PUM1: variants seen among roughly 807,000 people sequenced by gnomAD.
PUM1 encodes pumilio RNA binding family member 1.
In PUM1, 13 loss-of-function variants were observed where a neutral mutation model predicts 131.8. The observed-to-expected ratio is 0.10, with a 90% CI of 0.06 to 0.16. PUM1 has a LOEUF of 0.16. Among genes scored for constraint, PUM1 ranks in the 10% least tolerant of loss-of-function variants. PUM1 has a pLI of 1.00. For synonymous variants in PUM1, 509 were observed against 556.5 expected (o/e 0.91, Z 1.20); for missense variants, 961 against 1,512.4 (o/e 0.64, Z 6.05).
In PUM1 at chr1:31,042,886, G is replaced by A. The variant is rs529740986; in HGVS notation, c.364-14022C>T. Among the ~76,000 whole-genome samples, 3 of 152,244 alleles carry A rather than the reference G, an allele frequency of 2.0e-5. No individual in the cohort carries two copies. In the East Asian group the frequency reaches 5.8e-4, roughly 29 times the overall value. On this transcript the variant is annotated intron_variant, in intron 2 of 21. Coordinates refer to ENST00000426105, the MANE Select transcript of PUM1 (RefSeq NM_001020658.2). ...GTCAAGCCATTACAGGCATGCACCA[G>A]ATGATTTTTCTTTTTTTTTCTCAGT...
At chr1:31,047,794 T>C (rs1272155614) in intron 2 of PUM1, among the ~76,000 whole-genome samples, 1 of 152,016 alleles carries the variant, frequency 6.6e-6, no homozygotes, top group Non-Finnish European at 1.5e-5. Context: ...GTACAAAAAT[T>C]AGCTGGGCAT....
At chr1:30,942,956 A>G (rs1466197392) in intron 18 of PUM1, among the ~76,000 whole-genome samples, 1 of 151,990 alleles carries the variant, frequency 6.6e-6, no homozygotes, top group African/African-American at 2.4e-5. Flanking sequence ...GAGATTCGCT[A>G]TGTTGCCCAG....
chr1:30,994,616 A>C (rs992580555), intron 6 of PUM1, among the ~76,000 whole-genome samples: 1 of 152,244 alleles, frequency 6.6e-6, no homozygotes, highest in Admixed American at 6.5e-5. Context: ...CATGAGACTC[A>C]AATGAGATAA....
intron 2 of PUM1, chr1:31,055,413 G>A (rs1644213915): frequency 2.2e-6 from 1 of 456,130 alleles, no homozygotes; most frequent in Non-Finnish European, 4.4e-6. Flanking sequence ...ACAAGTCTCT[G>A]ATCTAGAATA....
chr1:31,007,165 A>C, intron 3 of PUM1, 63 bp from the exon 4 acceptor site: 1 of 1,273,658 alleles, frequency 7.9e-7, no homozygotes, highest in Non-Finnish European at 1.1e-6. Context: ...ACAGCAGTCA[A>C]CACTTTCTTT....
intron 6 of PUM1, among the ~76,000 whole-genome samples, chr1:30,994,337 A>T (rs1025075910): frequency 7.3e-5 from 11 of 151,568 alleles, no homozygotes; most frequent in Non-Finnish European, 1.2e-4. Flanking sequence ...ACTGGAGATT[A>T]AAAAAAAATC....
chr1:30,961,855 A>G (rs1178463101), intron 14 of PUM1, among the ~76,000 whole-genome samples: 2 of 152,208 alleles, frequency 1.3e-5, no homozygotes, highest in African/African-American at 4.8e-5. Flanking sequence ...TGAGTATTCA[A>G]CACAATGAAT....
At chr1:30,991,721 T>C (rs1178317475) in intron 7 of PUM1, among the ~76,000 whole-genome samples, 1 of 152,052 alleles carries the variant, frequency 6.6e-6, no homozygotes, top group Non-Finnish European at 1.5e-5. Context: ...CTTTAAAAAA[T>C]AAATAAATAA....
chr1:31,018,325 G>A (rs1458825900), intron 3 of PUM1, among the ~76,000 whole-genome samples: 1 of 151,680 alleles, frequency 6.6e-6, no homozygotes, highest in Non-Finnish European at 1.5e-5. Context: ...CTCAAGCCTG[G>A]ATGACAGAGA....
intron 2 of PUM1, among the ~76,000 whole-genome samples, chr1:31,034,796 C>G (rs1643549126): frequency 6.6e-6 from 1 of 152,094 alleles, no homozygotes; most frequent in African/African-American, 2.4e-5. Context: ...CTTTTGTTCT[C>G]AAGGATTTTT....
At chr1:30,983,697 TG>T (rs1366711306) in intron 7 of PUM1, among the ~76,000 whole-genome samples, 1 of 151,674 alleles carries the variant, frequency 6.6e-6, no homozygotes, top group East Asian at 1.9e-4. Flanking sequence ...CTCAAACTCC[TG>T]GGCTCAAGCA....
Position 31,059,356 on chromosome 1 carries a change from C to T in PUM1, c.211G>A (p.Val71Ile), listed in dbSNP as rs775950070. 11 of 1,614,200 alleles carry T rather than the reference C, an allele frequency of 6.8e-6. No individual in the cohort carries two copies. Among genetic ancestry groups the T allele is most frequent in the Non-Finnish European group, 2.5e-6 (3 of 1,180,044 alleles). The change falls in exon 2 of 22, where the codon GTT (valine) becomes ATT (isoleucine). Residue 71 changes from valine (V) to isoleucine (I), a missense_variant. Physicochemically the swap from Val to Ile is conservative, Grantham distance 29. This residue lies in a region of PUM1 where 654 missense variants were observed against 923.9 expected (regional missense o/e 0.71). Coordinates refer to ENST00000426105, the MANE Select transcript of PUM1 (RefSeq NM_001020658.2). ...GCGTCGTCCTGGGAACGGCCTGCAA[C>T]TCCTATAGATCCTGGGACAGGGCTG... ...HSSPVPGSIGVAGRSQDDAMV... is the reference protein window; with the variant it reads ...HSSPVPGSIGIAGRSQDDAMV...
rs754983347 is a variant in PUM1, at chr1:30,966,180, G to A, written c.1888C>T (p.Pro630Ser). ...FRPLGTQQPQ[P>S]QPQQQPNNNL... ...TTATTGGGCTGCTGCTGGGGCTGGG[G>A]CTGAGGCTGCTGTGTTCCTAAAGGG... Residue 630 changes from proline to serine, a missense_variant, in exon 13 of 22, where the codon CCC (proline) becomes TCC (serine). Physicochemically the swap from Pro to Ser is moderately conservative, Grantham distance 74. Around this residue, in one of 4 missense-constraint regions of PUM1, gnomAD observed 654 missense variants for 923.9 expected, o/e 0.71. Transcript: ENST00000426105. 2.5e-5 allele frequency: 41 copies of A among 1,613,980 alleles called. No individual in the cohort carries two copies. The highest frequency in any genetic ancestry group is 3.3e-5 in the Admixed American group (2 of 60,000).
At chr1:30,938,289 G>T (rs2124381669) in intron 20 of PUM1, among the ~76,000 whole-genome samples, 2 of 152,288 alleles carry the variant, frequency 1.3e-5, no homozygotes, top group South Asian at 4.1e-4. Context: ...GTCTCGCTCT[G>T]TCACCTAGGC....
At chr1:30,950,475 A>C (rs962932095) in intron 16 of PUM1, among the ~76,000 whole-genome samples, 2 of 152,246 alleles carry the variant, frequency 1.3e-5, no homozygotes, top group African/African-American at 4.8e-5. Context: ...AATGTTAAGA[A>C]GTTTCTCGGA....
At chr1:30,944,196 C>T (rs910741767) in intron 18 of PUM1, among the ~76,000 whole-genome samples, 1 of 152,088 alleles carries the variant, frequency 6.6e-6, no homozygotes, top group African/African-American at 2.4e-5. Context: ...ATTGAGCAAA[C>T]AGCAAAACCT....
At chr1:30,948,656 T>TG (rs1639788960) in intron 17 of PUM1, among the ~76,000 whole-genome samples, 1 of 152,092 alleles carries the variant, frequency 6.6e-6, no homozygotes, top group Admixed American at 6.5e-5. Flanking sequence ...GAGGCTAAGA[T>TG]GGGAGGACCA....
In PUM1 at chr1:31,059,360, T is replaced by C; in HGVS notation, c.207A>G (p.Ile69Met). The part of the protein sequence containing the change: ...GTHSSPVPGS[I>M]GVAGRSQDDA... ...CGTCCTGGGAACGGCCTGCAACTCC[T>C]ATAGATCCTGGGACAGGGCTGGAGT... Residue 69 changes from isoleucine to methionine, a missense_variant, in exon 2 of 22, where the codon ATA becomes ATG. By Grantham distance (10) the Ile-to-Met change is conservative (BLOSUM62 1). Around this residue, in one of 4 missense-constraint regions of PUM1, gnomAD observed 654 missense variants for 923.9 expected, o/e 0.71. Coordinates refer to ENST00000426105, the MANE Select transcript of PUM1 (RefSeq NM_001020658.2). The C allele has an allele frequency of 1.2e-6, 2 of 1,614,132 alleles. No homozygotes were observed. The highest frequency in any genetic ancestry group is 1.7e-6 in the Non-Finnish European group (2 of 1,180,016).
intron 2 of PUM1, among the ~76,000 whole-genome samples, chr1:31,035,020 A>G (rs1643558973): frequency 6.6e-6 from 1 of 152,232 alleles, no homozygotes; most frequent in East Asian, 1.9e-4. Flanking sequence ...AAAACCTAGT[A>G]AATCTGTTCT....
Sources: gnomAD v4.1 joint callset for allele counts (sites outside exome capture counted in the v4.1 genomes callset) on GRCh38, gnomAD v4.1.1 for gene constraint, gnomAD v4.1.1 regional missense constraint, MANE v1.5 for transcripts, NCBI Gene and HGNC (gene_info 2026-07-23, HGNC 2026-07-21) for gene names.